The following ARHGAP26 variants were observed in gnomAD, a reference collection of about 807,000 sequenced individuals.
ARHGAP26 encodes Rho GTPase activating protein 26, also known as rho GTPase-activating protein 26.
A neutral mutation model predicts 104.8 loss-of-function variants in ARHGAP26; 38 were observed. The observed-to-expected ratio is 0.36, with a 90% CI of 0.28 to 0.48. ARHGAP26 has a LOEUF of 0.48. Among genes scored for constraint, ARHGAP26 ranks in the 20% least tolerant of loss-of-function variants. The probability of loss-of-function intolerance (pLI) is 0.99; values close to 1 mark genes in which losing one functional copy is unlikely to be tolerated. For synonymous variants in ARHGAP26, 341 were observed against 340.0 expected (o/e 1.00, Z -0.03); for missense variants, 704 against 947.9 (o/e 0.74, Z 3.38).
At chr5:143,090,852 T>C (rs955964446) in intron 17 of ARHGAP26, among the ~76,000 whole-genome samples, 5 of 152,216 alleles carry the variant, frequency 3.3e-5, no homozygotes, top group Admixed American at 2.0e-4. Flanking sequence ...CTGGGGTCTT[T>C]ATCGAAATCT....
chr5:143,126,974 T>A (rs1456216730), intron 18 of ARHGAP26, among the ~76,000 whole-genome samples: 1 of 152,232 alleles, frequency 6.6e-6, no homozygotes, highest in African/African-American at 2.4e-5. Context: ...ATTTTTATGC[T>A]TCCAGCTAAG....
intron 10 of ARHGAP26, among the ~76,000 whole-genome samples, chr5:142,923,755 T>A (rs1763508962): frequency 6.6e-6 from 1 of 152,162 alleles, no homozygotes; most frequent in East Asian, 1.9e-4. Context: ...TTTAGACTAT[T>A]ATTATTGCTA....
chr5:143,179,961 G>A (rs1041046337), intron 20 of ARHGAP26, among the ~76,000 whole-genome samples: 1 of 152,078 alleles, frequency 6.6e-6, no homozygotes, highest in Non-Finnish European at 1.5e-5. Flanking sequence ...AATGGTCATT[G>A]TCAAGAGCCC....
In ARHGAP26 at chr5:143,144,775, C is replaced by A. The variant is rs1019326733; in HGVS notation, c.1838-2456C>A. Among the ~76,000 whole-genome samples the A allele has an allele frequency of 2.6e-5, 4 of 152,324 alleles. No individual in the cohort carries two copies. The South Asian group carries it at 8.3e-4, about 32-fold the overall frequency. ...TTTGTCTTGGTATAGTTTGCTATAA[C>A]CACTAAAACATTTGATTGGCTGTTG... On this transcript the variant is annotated intron_variant, in intron 19 of 22. Coordinates refer to ENST00000645722, the MANE Select transcript of ARHGAP26 (RefSeq NM_001135608.3).
intron 1 of ARHGAP26, among the ~76,000 whole-genome samples, chr5:142,838,119 T>G (rs1307484377): frequency 6.6e-6 from 1 of 151,990 alleles, no homozygotes; most frequent in African/African-American, 2.4e-5. Flanking sequence ...TAGCTGGGCA[T>G]AGTGGGTGGG....
intron 1 of ARHGAP26, among the ~76,000 whole-genome samples, chr5:142,828,069 A>G (rs1044729790): frequency 2.0e-5 from 3 of 152,178 alleles, no homozygotes; most frequent in African/African-American, 4.8e-5. Context: ...GAGGGAATGG[A>G]TGCTTTGCTT....
rs1791483452 is a variant in ARHGAP26 at position 143,091,908 on chromosome 5, C to T, written c.1539-29080C>T. 2.0e-5 allele frequency among the ~76,000 whole-genome samples: 3 copies of T among 152,170 alleles called. No homozygotes were observed. In the South Asian group the frequency reaches 6.2e-4, roughly 31 times the overall value. ...TTTAAAACAAAATATATATTTTTAACCTTTTAATGTAGGTAGAAATCCACA... is the reference window on the plus strand; with the variant it reads ...TTTAAAACAAAATATATATTTTTAATCTTTTAATGTAGGTAGAAATCCACA... On this transcript the variant is annotated intron_variant, in intron 17 of 22. Coordinates refer to ENST00000645722, the MANE Select transcript of ARHGAP26 (RefSeq NM_001135608.3).
chr5:142,804,402 AC>A (rs1015044522), intron 1 of ARHGAP26, among the ~76,000 whole-genome samples: 3 of 152,216 alleles, frequency 2.0e-5, no homozygotes, highest in Non-Finnish European at 4.4e-5. Flanking sequence ...TCATTCACTC[AC>A]CCACTCACTC....
chr5:143,165,365 T>C (rs890384165), intron 20 of ARHGAP26: 1 of 152,158 alleles, frequency 6.6e-6, no homozygotes, highest in Non-Finnish European at 1.5e-5. Flanking sequence ...AACAGAAATA[T>C]CTAAAAGGAA....
Position 142,902,055 on chromosome 5 carries a change from G to A in ARHGAP26, c.702+16G>A. ...CATACAGAACGTGAGTGGGCATAGG[G>A]ACAGGCTTCTTTTATCTGGTTAAGG... On this transcript the variant is annotated intron_variant, in intron 7 of 22. Transcript: ENST00000645722. 6.2e-7 allele frequency: 1 copy of A among 1,605,220 alleles called. No homozygotes were observed. The highest frequency in any genetic ancestry group is 1.3e-5 in the African/African-American group (1 of 74,702).
intron 11 of ARHGAP26, among the ~76,000 whole-genome samples, chr5:142,948,068 A>G (rs1163336948): frequency 6.6e-6 from 1 of 152,176 alleles, no homozygotes; most frequent in Non-Finnish European, 1.5e-5. Context: ...ATGGATTTAA[A>G]AAAGAGAACC....
At chr5:142,988,745 T>C (rs759016799) in intron 11 of ARHGAP26, among the ~76,000 whole-genome samples, 1 of 152,242 alleles carries the variant, frequency 6.6e-6, no homozygotes, top group African/African-American at 2.4e-5. Flanking sequence ...CATTTCGTTA[T>C]GTACCCAGTA....
At chr5:142,884,477 C>A (rs1202325356) in intron 4 of ARHGAP26, among the ~76,000 whole-genome samples, 1 of 152,180 alleles carries the variant, frequency 6.6e-6, no homozygotes, top group South Asian at 2.1e-4. Context: ...ATAACTGTTA[C>A]CCCATTACCA....
At chr5:143,208,239 A>G (rs1808899158) in intron 21 of ARHGAP26, among the ~76,000 whole-genome samples, 1 of 152,202 alleles carries the variant, frequency 6.6e-6, no homozygotes, top group South Asian at 2.1e-4. Flanking sequence ...GATCCTGCAG[A>G]ATTCCTATGC....
At chr5:142,980,950 T>C (rs901286816) in intron 11 of ARHGAP26, among the ~76,000 whole-genome samples, 4 of 152,224 alleles carry the variant, frequency 2.6e-5, no homozygotes, top group Non-Finnish European at 5.9e-5. Context: ...ATCGTAGTAG[T>C]AGTTGTCATT....
At chr5:143,167,826 A>T (rs1459695139) in intron 20 of ARHGAP26, among the ~76,000 whole-genome samples, 1 of 152,196 alleles carries the variant, frequency 6.6e-6, no homozygotes, top group East Asian at 1.9e-4. Context: ...GAAACTGACA[A>T]GAGATAGTGG....
intron 11 of ARHGAP26, among the ~76,000 whole-genome samples, chr5:143,005,742 A>G (rs1777857334): frequency 6.6e-6 from 1 of 152,186 alleles, no homozygotes; most frequent in Admixed American, 6.5e-5. Flanking sequence ...ATTCATCATC[A>G]TTGTTGTAAT....
chr5:142,791,941 CAA>C lies in ARHGAP26; in HGVS notation c.154+21046_154+21047del, dbSNP rs11397426. On this transcript the variant is annotated intron_variant, in intron 1 of 22. Coordinates refer to ENST00000645722, the MANE Select transcript of ARHGAP26 (RefSeq NM_001135608.3). ...ATCACAACAAGAGCAAAACCCGTCT[CAA>C]AAAAAAAAAAAAAAAAAAAGGTGTT... 3.4e-4 allele frequency among the ~76,000 whole-genome samples: 22 copies of C among 65,140 alleles called. No homozygotes were observed. The East Asian group carries it at 5.0e-3, about 15-fold the overall frequency. 42.7% of individuals were successfully genotyped at this position (65,140 alleles called of 152,430 possible).
intron 11 of ARHGAP26, among the ~76,000 whole-genome samples, chr5:142,991,026 G>A (rs1775531245): frequency 6.6e-6 from 1 of 152,188 alleles, no homozygotes; most frequent in African/African-American, 2.4e-5. Context: ...AGAAGTTTCT[G>A]CTGCCTTTTT....
Sources: gnomAD v4.1 joint callset for allele counts (sites outside exome capture counted in the v4.1 genomes callset) on GRCh38, gnomAD v4.1.1 for gene constraint, MANE v1.5 for transcripts, NCBI Gene and HGNC (gene_info 2026-07-23, HGNC 2026-07-21) for gene names.